Variants in IFT172 observed in about 807,000 individuals in gnomAD.
The protein encoded by IFT172 is intraflagellar transport 172, also known as intraflagellar transport protein 172 homolog.
A neutral mutation model predicts 248.9 loss-of-function variants in IFT172; 164 were observed. The ratio of observed to expected loss-of-function variants is 0.66; its 90% CI spans 0.58 to 0.75. The LOEUF (loss-of-function observed/expected upper bound fraction) is 0.75, where lower values mean the gene tolerates loss of function less well. Among genes scored for constraint, IFT172 ranks in the 30% least tolerant of loss-of-function variants. The pLI, the probability that IFT172 is intolerant of heterozygous loss-of-function variation, is 0.00. For missense variants in IFT172, 1,950 were observed against 2,192.4 expected (o/e 0.89, Z 2.21); for synonymous variants, 729 against 791.6 (o/e 0.92, Z 1.33).
intron 7 of IFT172, among the ~76,000 whole-genome samples, chr2:27,482,140 G>A (rs1160136870): frequency 6.6e-6 from 1 of 151,006 alleles, no homozygotes; most frequent in East Asian, 2.0e-4. Context: ...GTTCCACCAT[G>A]CCCGGCTAAT....
chr2:27,454,444 CATG>C lies in IFT172; in HGVS notation c.3466-29_3466-27del. 1 of 1,614,076 alleles carries C rather than the reference CATG, an allele frequency of 6.2e-7. No individual in the cohort carries two copies. The highest frequency in any genetic ancestry group is 1.1e-5 in the South Asian group (1 of 91,076). ...CTACAGGGAGAGAAAGGCAGCCGTG[CATG>C]ATGAGAAGGAGACTGGCATCACAGG... On this transcript the variant is annotated intron_variant, in intron 31 of 47. Coordinates refer to ENST00000260570, the MANE Select transcript of IFT172 (RefSeq NM_015662.3). This position sits in a 1 kb window ranked among gnomAD's most constrained non-coding sequence, Gnocchi z 4.2.
At position 27,445,655 on chromosome 2, in the gene IFT172, C is replaced by T. The variant is rs1665008955; in HGVS notation, c.4914+90G>A. 2 of 1,488,994 alleles carry T rather than the reference C, an allele frequency of 1.3e-6. No individual in the cohort carries two copies. Among genetic ancestry groups the T allele is most frequent in the Non-Finnish European group, 9.3e-7 (1 of 1,076,410 alleles). 92.2% of individuals were successfully genotyped at this position (1,488,994 alleles called of 1,614,324 possible). A position where few individuals can be genotyped will look rare whatever the true frequency, so the allele number is the denominator to read the frequency against. On this transcript the variant is annotated intron_variant, in intron 45 of 47. Transcript: ENST00000260570. This position sits in a 1 kb window ranked among gnomAD's most constrained non-coding sequence, Gnocchi z 4.4. The stretch of plus-strand genomic sequence containing the variant: ...CTGAAAAAACAGTGAGGGCTGAGGT[C>T]CTTCCAAAGATGGCAGCACAAAGAT...
In IFT172 at chr2:27,448,974, C is replaced by G. The variant is rs779491564; in HGVS notation, c.4369G>C (p.Gly1457Arg). ...ALYATHLIREGSSAQALALYV... is the reference protein window; with the variant it reads ...ALYATHLIRERSSAQALALYV... ...AGGGCCAATGCCTGGGCAGAGCTAC[C>G]CTCCCGGATCAAGTGAGTTGCATAC... The change falls in exon 40 of 48, where the codon GGT becomes CGT. Residue 1457 changes from glycine (G) to arginine (R), a missense_variant. Coordinates refer to ENST00000260570, the MANE Select transcript of IFT172 (RefSeq NM_015662.3). The G allele has an allele frequency of 1.9e-6, 3 of 1,612,728 alleles. No individual in the cohort carries two copies. The highest frequency in any genetic ancestry group is 2.5e-6 in the Non-Finnish European group (3 of 1,178,722).
intron 21 of IFT172, 78 bp from the exon 22 acceptor site, chr2:27,461,595 T>C: frequency 6.4e-7 from 1 of 1,552,924 alleles, no homozygotes; most frequent in Admixed American, 1.7e-5. Flanking sequence ...CCAATCCCTC[T>C]ATAACAAGGG....
At position 27,485,342 on chromosome 2, in the gene IFT172, C is replaced by T; in HGVS notation, c.183+18G>A. The T allele has an allele frequency of 6.2e-7, 1 of 1,613,686 alleles. No individual in the cohort carries two copies. The highest frequency in any genetic ancestry group is 2.2e-5 in the East Asian group (1 of 44,882). ...CCATCAATAGGTTAAATAAGGTACA[C>T]ATGAATACACTGTTTACCTTCATGT... On this transcript the variant is annotated intron_variant, in intron 2 of 47. Coordinates refer to ENST00000260570, the MANE Select transcript of IFT172 (RefSeq NM_015662.3).
intron 7 of IFT172, among the ~76,000 whole-genome samples, chr2:27,482,287 C>T (rs1036798303): frequency 1.4e-5 from 2 of 146,636 alleles, no homozygotes; most frequent in African/African-American, 2.5e-5. Context: ...CCGGCCTATA[C>T]AAGTAATTCT....
In IFT172 at chr2:27,458,242, A is replaced by T; in HGVS notation, c.2878-19T>A. 6.2e-7 allele frequency: 1 copy of T among 1,606,594 alleles called. No homozygotes were observed. The highest frequency in any genetic ancestry group is 8.5e-7 in the Non-Finnish European group (1 of 1,173,160). On this transcript the variant is annotated intron_variant, in intron 26 of 47. Coordinates refer to ENST00000260570, the MANE Select transcript of IFT172 (RefSeq NM_015662.3). ...TCGCCAGCTGTGGAGGCACAGAGGCAAGGCAGCCTCAGATCCAATTCCCCA... is the reference window on the plus strand; with the variant it reads ...TCGCCAGCTGTGGAGGCACAGAGGCTAGGCAGCCTCAGATCCAATTCCCCA...
intron 14 of IFT172, among the ~76,000 whole-genome samples, chr2:27,474,854 A>T (rs1320774552): frequency 6.6e-6 from 1 of 151,180 alleles, no homozygotes; most frequent in Non-Finnish European, 1.5e-5. Context: ...GCCCGGCCTC[A>T]AACTGTTTTT....
At chr2:27,450,700 C>T (rs544865114) in intron 35 of IFT172, among the ~76,000 whole-genome samples, 2 of 152,252 alleles carry the variant, frequency 1.3e-5, no homozygotes, top group Admixed American at 1.3e-4. Flanking sequence ...AAGCAATTCT[C>T]TTGTCTTGGC....
intron 16 of IFT172, among the ~76,000 whole-genome samples, chr2:27,466,243 T>C (rs1351672419): frequency 6.6e-6 from 1 of 152,052 alleles, no homozygotes; most frequent in Non-Finnish European, 1.5e-5. Context: ...AAGAAATCAC[T>C]AAGAATATTC....
At chr2:27,465,643 T>A in intron 17 of IFT172, 103 bp downstream of exon 17, 2 of 1,548,018 alleles carry the variant, frequency 1.3e-6, no homozygotes, top group Non-Finnish European at 1.8e-6. Flanking sequence ...CCAGGATCAC[T>A]GGATCCTTAT....
At chr2:27,446,164 T>C in intron 43 of IFT172, 96 bp downstream of exon 43, 1 of 1,368,004 alleles carries the variant, frequency 7.3e-7, no homozygotes. Context: ...ACATCAGCCC[T>C]ACACTCAGCT....
Position 27,449,485 on chromosome 2 carries a change from TC to T in IFT172, c.4224+13del. 6.2e-7 allele frequency: 1 copy of T among 1,614,086 alleles called. No homozygotes were observed. Among genetic ancestry groups the T allele is most frequent in the Non-Finnish European group, 8.5e-7 (1 of 1,180,006 alleles). ...TCCCTGCATTCTGCCTCCTGCTAAC[TC>T]TCCAAGTCTCACCGAGTCCACTTTG... On this transcript the variant is annotated intron_variant, in intron 38 of 47. Coordinates refer to ENST00000260570, the MANE Select transcript of IFT172 (RefSeq NM_015662.3).
chr2:27,461,159 A>T, intron 22 of IFT172, 66 bp from the exon 23 acceptor site: 2 of 1,613,666 alleles, frequency 1.2e-6, no homozygotes, highest in Non-Finnish European at 1.7e-6. Context: ...TAGCTCCGAA[A>T]ACAAGGGAAC....
rs1483644486 is a variant in IFT172 at position 27,447,590 on chromosome 2, A to G, written c.4584T>C (p.His1528=). 3.7e-6 allele frequency: 6 copies of G among 1,614,008 alleles called. No individual in the cohort carries two copies. The highest frequency in any genetic ancestry group is 2.2e-5 in the South Asian group (2 of 91,084). ...TCAGCAGCATCGTCTTGAACTCCTCATGGGCTGGAGAGTTTGCCTCACTGG... is the reference window on the plus strand; with the variant it reads ...TCAGCAGCATCGTCTTGAACTCCTCGTGGGCTGGAGAGTTTGCCTCACTGG... ...VKSSEANSPA[H]EEFKTMLLIA... The change falls in exon 42 of 48, where the codon CAT becomes CAC. Residue 1528 remains histidine, a synonymous_variant. Transcript: ENST00000260570.
chr2:27,465,703 C>A (rs775842253), intron 17 of IFT172, 43 bp downstream of exon 17: 12 of 1,612,978 alleles, frequency 7.4e-6, no homozygotes, highest in Non-Finnish European at 1.0e-5. Flanking sequence ...CTCTCAGAAC[C>A]AGACTCTCCC....
chr2:27,447,409 A>G (rs1301142977), intron 42 of IFT172, 106 bp downstream of exon 42: 2 of 1,470,752 alleles, frequency 1.4e-6, no homozygotes, highest in Middle Eastern at 1.8e-4. Context: ...AGGTGGGGAG[A>G]TTCAAGAGCC....
chr2:27,480,914 G>A, intron 8 of IFT172, 132 bp downstream of exon 8: 1 of 688,766 alleles, frequency 1.5e-6, no homozygotes, highest in South Asian at 1.8e-5. Context: ...AGCAGGAAGA[G>A]GAAAGCGCAT....
chr2:27,450,123 T>G, intron 35 of IFT172, 27 bp from the exon 36 acceptor site: 1 of 1,548,464 alleles, frequency 6.5e-7, no homozygotes, highest in African/African-American at 1.4e-5. Context: ...AAGATGGAAA[T>G]GGGTAGGAGA....
Sources: allele counts gnomAD v4.1 joint callset (sites outside exome capture counted in the v4.1 genomes callset), GRCh38; gene constraint gnomAD v4.1.1; non-coding constraint Gnocchi (gnomAD v3.1); transcripts MANE v1.5; gene names NCBI Gene and HGNC (gene_info 2026-07-23, HGNC 2026-07-21).